Variants in CIB1 observed in about 807,000 individuals in gnomAD.
The protein encoded by CIB1 is calcium and integrin-binding protein 1.
A neutral mutation model predicts 25.0 loss-of-function variants in CIB1; 19 were observed. That is an observed-to-expected ratio of 0.76 (90% CI 0.53 to 1.12). The LOEUF (loss-of-function observed/expected upper bound fraction) is 1.12, where lower values mean the gene tolerates loss of function less well. CIB1 is among the 50% of genes most tolerant of loss of function. CIB1 has a pLI of 0.00. For synonymous variants in CIB1, 104 were observed against 98.5 expected, an observed-to-expected ratio of 1.06 and a Z score of -0.33; for missense variants, 236 against 242.6, an observed-to-expected ratio of 0.97 and a Z score of 0.18.
At chr15:90,240,231 G>A in the CIB1 span, among the ~76,000 whole-genome samples, 2 of 150,340 alleles carry the variant, frequency 1.3e-5, no homozygotes, top group Admixed American at 6.7e-5. Flanking sequence ...AAATAGGCCA[G>A]GTGCAGTGGC....
At chr15:90,259,141 T>C in the CIB1 span, 26 of 1,134,542 alleles carry the variant, frequency 2.3e-5, no homozygotes, top group African/African-American at 9.5e-5. Flanking sequence ...GGCAGGAGGA[T>C]TGCTTGAGCC....
rs572194891 is a variant in CIB1 at position 90,230,137 on chromosome 15, G to A, written c.*347C>T. On this transcript the variant is annotated 3_prime_UTR_variant, in exon 7 of 7. Coordinates refer to ENST00000328649, the MANE Select transcript of CIB1 (RefSeq NM_006384.4). ...GGGACAGCCAGCGTGGGTGCGGCTT[G>A]ACTTCCCGCTGGCCTCTGCTCGATA... 470 of 330,154 alleles carry A rather than the reference G, an allele frequency of 1.4e-3. 1 individual carries two copies. Among genetic ancestry groups the A allele is most frequent in the Non-Finnish European group, 2.1e-3 (374 of 176,054 alleles). The allele number at this position is 330,154 out of a possible 1,614,324, so 20.5% of individuals were successfully genotyped here. A position where few individuals can be genotyped will look rare whatever the true frequency, so the allele number is the denominator to read the frequency against.
chr15:90,249,560 G>A, the CIB1 span: 1 of 152,308 alleles, frequency 6.6e-6, no homozygotes, highest in Non-Finnish European at 1.5e-5. Context: ...CTTGCTAGAG[G>A]AAGCGCTGCC....
upstream of CIB1, among the ~76,000 whole-genome samples, chr15:90,238,281 CAG>C (rs1279110238): frequency 6.6e-6 from 1 of 152,156 alleles, no homozygotes; most frequent in Non-Finnish European, 1.5e-5. Context: ...GCCTGGCTGA[CAG>C]AGTGAGATTC....
At chr15:90,233,153 G>C (rs1456570324) in intron 2 of CIB1, among the ~76,000 whole-genome samples, 1 of 152,250 alleles carries the variant, frequency 6.6e-6, no homozygotes, top group Non-Finnish European at 1.5e-5. Flanking sequence ...TCAGAGTGTT[G>C]TCTTAAGCAG....
At chr15:90,240,695 C>A in the CIB1 span, among the ~76,000 whole-genome samples, 1 of 149,930 alleles carries the variant, frequency 6.7e-6, no homozygotes, top group Non-Finnish European at 1.5e-5. Context: ...TGCCTGTAAC[C>A]CCAGCTGCCC....
chr15:90,256,565 C>CT, the CIB1 span, among the ~76,000 whole-genome samples: 2 of 39,422 alleles, frequency 5.1e-5, no homozygotes, highest in African/African-American at 1.2e-4. Context: ...TTCTTTCTTT[C>CT]TTTCTTTCTT....
At chr15:90,262,580 G>A in the CIB1 span, 2 of 1,534,852 alleles carry the variant, frequency 1.3e-6, no homozygotes, top group Non-Finnish European at 8.7e-7. Context: ...GAACCAGGGT[G>A]AATCAGCTGG....
At chr15:90,257,414 C>T in the CIB1 span, 2 of 1,340,550 alleles carry the variant, frequency 1.5e-6, no homozygotes, top group Non-Finnish European at 2.0e-6. Context: ...CAGCATCTAG[C>T]TGGGAGGCAA....
chr15:90,256,553 CTT>C, the CIB1 span, among the ~76,000 whole-genome samples: 2 of 77,232 alleles, frequency 2.6e-5, no homozygotes, highest in South Asian at 3.1e-4. Flanking sequence ...CTTTTTCTTT[CTT>C]TCTTTCTTTC....
chr15:90,249,786 C>T, the CIB1 span: 1 of 152,222 alleles, frequency 6.6e-6, no homozygotes, highest in Non-Finnish European at 1.5e-5. Flanking sequence ...CCAGCAGCCC[C>T]TCAGCTCTCC....
At chr15:90,258,766 C>A in the CIB1 span, 1 of 1,614,148 alleles carries the variant, frequency 6.2e-7, no homozygotes, top group East Asian at 2.2e-5. Flanking sequence ...CAAGCTTTAC[C>A]ACGGACTCAT....
chr15:90,246,069 T>C, the CIB1 span, among the ~76,000 whole-genome samples: 30 of 152,156 alleles, frequency 2.0e-4, no homozygotes, highest in Admixed American at 6.5e-4. Context: ...AGGTCAGGAA[T>C]TCAAGACCAG....
upstream of CIB1, chr15:90,234,168 A>AGGG (rs140935136): frequency 4.3e-6 from 1 of 230,920 alleles, no homozygotes; most frequent in Non-Finnish European, 8.6e-6. Context: ...CCGGGGTGGG[A>AGGG]GGGGGGGGCG....
Position 90,231,203 on chromosome 15 carries a change from A to T in CIB1, c.357T>A (p.Asp119Glu). The T allele has an allele frequency of 6.3e-7, 1 of 1,588,282 alleles. No homozygotes were observed. Among genetic ancestry groups the T allele is most frequent in the Non-Finnish European group, 8.5e-7 (1 of 1,170,794 alleles). Residue 119 changes from aspartate to glutamate, a missense_variant, in exon 5 of 7, where the codon GAT becomes GAA. Physicochemically the swap from Asp to Glu is conservative, Grantham distance 45. Transcript: ENST00000328649. ...GGTCTTCTCTGTTCAAGGTTCCGTC[A>T]TCATCAAAGTCTAGAGAGCAGACAC... Reference protein sequence around the residue: ...HYAFRIFDFDDDGTLNREDLS... With the variant: ...HYAFRIFDFDEDGTLNREDLS...
At chr15:90,256,543 CTTTTTCT>C in the CIB1 span, among the ~76,000 whole-genome samples, 3 of 141,100 alleles carry the variant, frequency 2.1e-5, no homozygotes, top group African/African-American at 7.8e-5. Context: ...TGTCTCCTTC[CTTTTTCT>C]TTCTTTCTTT....
the CIB1 span, chr15:90,263,257 C>G: frequency 9.8e-6 from 10 of 1,021,150 alleles, no homozygotes; most frequent in African/African-American, 1.6e-5. Context: ...GTCAGTGGAG[C>G]CTGGGAAAGC....
the CIB1 span, among the ~76,000 whole-genome samples, chr15:90,248,108 T>C: frequency 6.6e-6 from 1 of 151,946 alleles, no homozygotes; most frequent in African/African-American, 2.4e-5. Flanking sequence ...GGCATAATCA[T>C]AGCTCACGGC....
the CIB1 span, among the ~76,000 whole-genome samples, chr15:90,252,777 C>T: frequency 6.6e-6 from 1 of 152,024 alleles, no homozygotes; most frequent in Non-Finnish European, 1.5e-5. Context: ...CCAAGGCAGG[C>T]GAATCTCCTG....
Sources: allele counts gnomAD v4.1 joint callset (sites outside exome capture counted in the v4.1 genomes callset), GRCh38; gene constraint gnomAD v4.1.1; transcripts MANE v1.5; gene names NCBI Gene and HGNC (gene_info 2026-07-23, HGNC 2026-07-21).